CTNNA2: variants seen among roughly 807,000 people sequenced by gnomAD.
The protein encoded by CTNNA2 is catenin alpha 2, also known as catenin alpha-2.
Under a neutral mutation model 101.0 loss-of-function variants are expected in CTNNA2, and 42 were observed. The ratio of observed to expected loss-of-function variants is 0.42; its 90% CI spans 0.32 to 0.54. The LOEUF (loss-of-function observed/expected upper bound fraction) is 0.54. Ranked by LOEUF, CTNNA2 falls within the 20% of genes least tolerant of loss-of-function variation. The pLI, the probability that CTNNA2 is intolerant of heterozygous loss-of-function variation, is 0.14. For missense variants in CTNNA2, 871 were observed against 1,223.1 expected (o/e 0.71, Z 4.29); for synonymous variants, 450 against 456.4 (o/e 0.99, Z 0.18).
At chr2:79,683,978 T>A (rs188376872) in intron 2 of CTNNA2, among the ~76,000 whole-genome samples, 1 of 152,290 alleles carries the variant, frequency 6.6e-6, no homozygotes, top group Non-Finnish European at 1.5e-5. Flanking sequence ...TTCGTAGCAC[T>A]GTGCCCTATT....
At chr2:79,308,570 C>T (rs891363904) in intron 2 of CTNNA2, among the ~76,000 whole-genome samples, 2 of 152,048 alleles carry the variant, frequency 1.3e-5, no homozygotes, top group Non-Finnish European at 2.9e-5. Flanking sequence ...ATTCATAAAG[C>T]CTTTTTTCAG....
intron 1 of CTNNA2, among the ~76,000 whole-genome samples, chr2:79,567,048 A>AT (rs1675163082): frequency 6.6e-6 from 1 of 152,212 alleles, no homozygotes; most frequent in Non-Finnish European, 1.5e-5. Context: ...AGCATAACAC[A>AT]TTCAATAAAG....
At chr2:79,752,387 G>A (rs1672105728) in intron 3 of CTNNA2, among the ~76,000 whole-genome samples, 2 of 152,130 alleles carry the variant, frequency 1.3e-5, no homozygotes, top group Non-Finnish European at 2.9e-5. Context: ...CAGAGATTGT[G>A]GAGAATGAAT....
At chr2:80,570,212 CTA>C (rs1694460064) in intron 12 of CTNNA2, among the ~76,000 whole-genome samples, 1 of 151,984 alleles carries the variant, frequency 6.6e-6, no homozygotes, top group Non-Finnish European at 1.5e-5. Context: ...CCATGCCTGG[CTA>C]TGTTTTGTAT....
chr2:79,814,935 C>A (rs116306912), intron 3 of CTNNA2, among the ~76,000 whole-genome samples: 3,128 of 152,212 alleles, frequency 0.021, 60 homozygotes, highest in Non-Finnish European at 0.031. Flanking sequence ...ATGCCAACAT[C>A]TACTGTCTTT....
chr2:79,884,972 C>T (rs1240305092), intron 6 of CTNNA2, among the ~76,000 whole-genome samples: 1 of 152,044 alleles, frequency 6.6e-6, no homozygotes, highest in Non-Finnish European at 1.5e-5. Context: ...CTTCTGTGGT[C>T]ACTGCCCAAA....
chr2:80,355,143 C>A (rs145122639), intron 7 of CTNNA2, among the ~76,000 whole-genome samples: 1 of 152,134 alleles, frequency 6.6e-6, no homozygotes, highest in African/African-American at 2.4e-5. Flanking sequence ...TAGCAGACAT[C>A]GCTATATGCC....
rs1168658653 is a variant in CTNNA2 at position 80,230,246 on chromosome 2, C to CT, written c.1057-162956dup. ...TATATATTTCTTTGTCTCTCTCTCT[C>CT]TTTTTTTTTCTTTGTTTTTTTTTTT... On this transcript the variant is annotated intron_variant, in intron 7 of 18. Transcript: ENST00000402739. Among the ~76,000 whole-genome samples, 11 of 131,222 alleles carry CT rather than the reference C, an allele frequency of 8.4e-5. 1 individual carries two copies. The highest frequency in any genetic ancestry group is 4.1e-4 in the Admixed American group (5 of 12,246). The allele number at this position is 131,222 out of a possible 152,430, so 86.1% of individuals were successfully genotyped here.
At chr2:79,740,199 T>C (rs957916792) in intron 2 of CTNNA2, among the ~76,000 whole-genome samples, 2 of 152,178 alleles carry the variant, frequency 1.3e-5, no homozygotes, top group Non-Finnish European at 2.9e-5. Context: ...CAGTGTGTGT[T>C]GTTCCCATCT....
intron 7 of CTNNA2, among the ~76,000 whole-genome samples, chr2:80,343,939 A>G (rs1672472365): frequency 6.6e-6 from 1 of 152,094 alleles, no homozygotes; most frequent in African/African-American, 2.4e-5. Context: ...CTATTTCCCC[A>G]TTCCTTTATC....
rs566555570 is a variant in CTNNA2 at position 80,053,137 on chromosome 2, A to G, written c.1056+143340A>G. Among the ~76,000 whole-genome samples, 26 of 152,312 alleles carry G rather than the reference A, an allele frequency of 1.7e-4. No individual in the cohort carries two copies. In the South Asian group the frequency reaches 1.9e-3, roughly 11 times the overall value. On this transcript the variant is annotated intron_variant, in intron 7 of 18. Transcript: ENST00000402739. ...GTTACCACAGACTTCAGCGGAAGTTAGGACTTGTCTTTATGGCCTATCTTT... is the reference window on the plus strand; with the variant it reads ...GTTACCACAGACTTCAGCGGAAGTTGGGACTTGTCTTTATGGCCTATCTTT...
At chr2:79,639,087 G>A (rs184453889) in intron 1 of CTNNA2, among the ~76,000 whole-genome samples, 2 of 152,184 alleles carry the variant, frequency 1.3e-5, no homozygotes, top group African/African-American at 4.8e-5. Flanking sequence ...AGCTGCCATT[G>A]GTTACCTGGG....
intron 4 of CTNNA2, among the ~76,000 whole-genome samples, chr2:79,445,488 T>C (rs1257993802): frequency 2.6e-5 from 4 of 152,204 alleles, no homozygotes; most frequent in African/African-American, 9.6e-5. Flanking sequence ...AAATAATAGC[T>C]TAAAGCCTTT....
chr2:79,931,764 C>G (rs1052626829), intron 7 of CTNNA2, among the ~76,000 whole-genome samples: 1 of 151,910 alleles, frequency 6.6e-6, no homozygotes, highest in Non-Finnish European at 1.5e-5. Context: ...GGCAGACAAC[C>G]ACAAAAATAC....
chr2:79,194,278 T>G (rs1033823877), intron 1 of CTNNA2, among the ~76,000 whole-genome samples: 2 of 152,130 alleles, frequency 1.3e-5, no homozygotes, highest in Non-Finnish European at 2.9e-5. Context: ...AGAGGTGACA[T>G]GTGAGTATAC....
chr2:80,303,750 G>A lies in CTNNA2; in HGVS notation c.1057-89461G>A, dbSNP rs776178703. 3.4e-5 allele frequency: 54 copies of A among 1,592,564 alleles called. No individual in the cohort carries two copies. Among genetic ancestry groups the A allele is most frequent in the Non-Finnish European group, 4.2e-5 (49 of 1,170,100 alleles). ...AGCATCTGAAAGCAGGCCCCCAGCA[G>A]ACACAAGACCACCCCCGAGGGCCTC... On this transcript the variant is annotated intron_variant, in intron 7 of 18. Coordinates refer to ENST00000402739, the MANE Select transcript of CTNNA2 (RefSeq NM_001282597.3). The surrounding 1 kb of genome is among the most constrained non-coding windows in gnomAD (Gnocchi z 7.7).
chr2:79,683,174 G>C (rs1490980233), intron 2 of CTNNA2, among the ~76,000 whole-genome samples: 1 of 152,008 alleles, frequency 6.6e-6, no homozygotes, highest in Non-Finnish European at 1.5e-5. Flanking sequence ...CTTAATACTG[G>C]GCCCATCCCC....
intron 7 of CTNNA2, among the ~76,000 whole-genome samples, chr2:80,275,977 G>T (rs1673872014): frequency 6.6e-6 from 1 of 151,808 alleles, no homozygotes. Flanking sequence ...TCCCATCAAT[G>T]ACATCCTTTG....
chr2:79,300,006 T>C lies in CTNNA2; in HGVS notation c.-405-12703T>C, dbSNP rs76305923. Among the ~76,000 whole-genome samples, 47 of 152,334 alleles carry C rather than the reference T, an allele frequency of 3.1e-4. 1 individual carries two copies. In the East Asian group the frequency reaches 7.3e-3, roughly 24 times the overall value. Reference sequence around the variant, plus strand: ...CACACAGTTTCCACTGTTATTAATATCTTGCATTAGTGTAATACATTTGTT... The same window carrying C: ...CACACAGTTTCCACTGTTATTAATACCTTGCATTAGTGTAATACATTTGTT... On this transcript the variant is annotated intron_variant, in intron 2 of 21. Transcript: ENST00000466387.
Sources: allele counts gnomAD v4.1 joint callset (sites outside exome capture counted in the v4.1 genomes callset), GRCh38; gene constraint gnomAD v4.1.1; non-coding constraint Gnocchi (gnomAD v3.1); transcripts MANE v1.5; gene names NCBI Gene and HGNC (gene_info 2026-07-23, HGNC 2026-07-21).